CAMKK2: variants seen among roughly 807,000 people sequenced by gnomAD.
The protein encoded by CAMKK2 is calcium/calmodulin dependent protein kinase kinase 2.
CAMKK2 carries 30 observed loss-of-function variants against 67.2 expected under a neutral mutation model. The observed-to-expected ratio is 0.45, with a 90% confidence interval of 0.33 to 0.61. The LOEUF (loss-of-function observed/expected upper bound fraction) is 0.61, where lower values mean the gene tolerates loss of function less well. Among genes scored for constraint, CAMKK2 ranks in the 20% least tolerant of loss-of-function variants. CAMKK2 has a pLI of 0.02. For synonymous variants in CAMKK2, 322 were observed against 326.2 expected (o/e 0.99, Z 0.14); for missense variants, 643 against 802.0 (o/e 0.80, Z 2.39).
rs1465444503 is a variant in CAMKK2, at chr12:121,252,665, C to T, written c.1157G>A (p.Gly386Asp). ...MGVTLYCFVFGQCPFMDERIM... is the reference protein window; with the variant it reads ...MGVTLYCFVFDQCPFMDERIM... ...ACAGACACCCCGCCCTCTTACCTGGCCAAAGACAAAGCAGTATAGTGTCAC... is the reference window on the plus strand; with the variant it reads ...ACAGACACCCCGCCCTCTTACCTGGTCAAAGACAAAGCAGTATAGTGTCAC... Residue 386 changes from glycine (G) to aspartate (D), a missense_variant, in exon 11 of 17, where the codon GGC becomes GAC. Gly to Asp is a moderately conservative substitution (Grantham distance 94). Transcript: ENST00000404169. 1 of 1,614,164 alleles carries T rather than the reference C, an allele frequency of 6.2e-7. No homozygotes were observed. The highest frequency in any genetic ancestry group is 8.5e-7 in the Non-Finnish European group (1 of 1,179,992).
chr12:121,269,658 G>T, intron 3 of CAMKK2, 77 bp from the exon 4 acceptor site: 1 of 1,118,450 alleles, frequency 8.9e-7, no homozygotes, highest in Non-Finnish European at 1.3e-6. Flanking sequence ...TACAGACGTT[G>T]CAAACCGGCA....
At chr12:121,279,505 G>A (rs1897355957) in intron 1 of CAMKK2, among the ~76,000 whole-genome samples, 1 of 152,218 alleles carries the variant, frequency 6.6e-6, no homozygotes, top group African/African-American at 2.4e-5. Context: ...AACAGCAACG[G>A]CTAACATTCA....
At chr12:121,260,407 G>C in intron 6 of CAMKK2, 52 bp from the exon 7 acceptor site, 1 of 1,556,896 alleles carries the variant, frequency 6.4e-7, no homozygotes, top group Non-Finnish European at 8.8e-7. Flanking sequence ...GGGAGAAAAA[G>C]AGAGAATAGA....
intron 7 of CAMKK2, among the ~76,000 whole-genome samples, chr12:121,258,482 C>T (rs1208365921): frequency 2.0e-5 from 3 of 152,158 alleles, no homozygotes; most frequent in African/African-American, 7.2e-5. Context: ...CAGGCATGAG[C>T]CACCGCACCT....
At chr12:121,273,964 C>CG in intron 2 of CAMKK2, 92 bp downstream of exon 2, 1 of 1,043,804 alleles carries the variant, frequency 9.6e-7, no homozygotes, top group Non-Finnish European at 1.4e-6. Context: ...TCAGATCCTT[C>CG]TGGGGGAGCC....
At chr12:121,297,237 G>T (rs1428541661), upstream of CAMKK2, 1 of 187,184 alleles carries the variant, frequency 5.3e-6, no homozygotes, top group Non-Finnish European at 1.1e-5. Context: ...CCCCAAGCCG[G>T]CAAGAACACC....
At chr12:121,268,157 T>C (rs1213918906) in intron 5 of CAMKK2, among the ~76,000 whole-genome samples, 2 of 146,854 alleles carry the variant, frequency 1.4e-5, no homozygotes, top group African/African-American at 2.5e-5. Flanking sequence ...ATATACTCTA[T>C]TCATTCTCTG....
At chr12:121,274,011 G>T in intron 2 of CAMKK2, 45 bp downstream of exon 2, 1 of 1,361,724 alleles carries the variant, frequency 7.3e-7, no homozygotes, top group Non-Finnish European at 9.8e-7. Flanking sequence ...GGCAGGGAAG[G>T]GCACCAGGGA....
chr12:121,272,412 C>T (rs1895957219), intron 2 of CAMKK2, among the ~76,000 whole-genome samples: 1 of 152,134 alleles, frequency 6.6e-6, no homozygotes, highest in Non-Finnish European at 1.5e-5. Flanking sequence ...GTGAAAGAAG[C>T]TAAGCTAAAA....
intron 13 of CAMKK2, 27 bp from the exon 14 acceptor site, chr12:121,248,761 G>T: frequency 6.2e-7 from 1 of 1,613,154 alleles, no homozygotes; most frequent in Non-Finnish European, 8.5e-7. Flanking sequence ...GAGGGGTGAG[G>T]GGCAGGTGTG....
rs183147631 is a variant in CAMKK2 at position 121,260,075 on chromosome 12, C to T, written c.796+244G>A. 4.5e-3 allele frequency among the ~76,000 whole-genome samples: 692 copies of T among 152,190 alleles called. 4 individuals carry two copies. Among genetic ancestry groups the T allele is most frequent in the Middle Eastern group, 6.8e-3 (2 of 294 alleles). ...GTAAGCCTGGGCAACGGAGCAAGAC[C>T]CTGACTCAAAAAAAATAAATACATG... On this transcript the variant is annotated intron_variant, in intron 7 of 16. Coordinates refer to ENST00000404169, the MANE Select transcript of CAMKK2 (RefSeq NM_001270485.2).
chr12:121,287,186 A>G (rs766568690), intron 1 of CAMKK2, among the ~76,000 whole-genome samples: 32 of 152,290 alleles, frequency 2.1e-4, no homozygotes, highest in Admixed American at 1.5e-3. Flanking sequence ...GATTATAGGC[A>G]TGAGCCACTG....
chr12:121,276,839 T>C (rs1402607111), intron 1 of CAMKK2, among the ~76,000 whole-genome samples: 1 of 129,044 alleles, frequency 7.7e-6, no homozygotes, highest in Non-Finnish European at 1.5e-5. Flanking sequence ...TGAGCTGAGG[T>C]TGCACCACTG....
Position 121,242,963 on chromosome 12 carries a change from C to T in CAMKK2, c.1596+1610G>A, listed in dbSNP as rs1593257279. Among the ~76,000 whole-genome samples the T allele has an allele frequency of 2.0e-5, 3 of 151,696 alleles. No individual in the cohort carries two copies. In the East Asian group the frequency reaches 5.8e-4, roughly 29 times the overall value. Reference sequence around the variant, plus strand: ...TTCACTGTGTTAGCCAGGATGGTCTCGATCTCCTGACCTCGTCATTCGCCT... The same window carrying T: ...TTCACTGTGTTAGCCAGGATGGTCTTGATCTCCTGACCTCGTCATTCGCCT... On this transcript the variant is annotated intron_variant, in intron 16 of 16. Transcript: ENST00000404169.
intron 1 of CAMKK2, among the ~76,000 whole-genome samples, chr12:121,295,704 G>A (rs1361554617): frequency 6.6e-6 from 1 of 152,166 alleles, no homozygotes; most frequent in Non-Finnish European, 1.5e-5. Context: ...CCGGAGGCCA[G>A]GTATCCCTCT....
At chr12:121,287,799 T>C (rs1399216779) in intron 1 of CAMKK2, among the ~76,000 whole-genome samples, 1 of 151,916 alleles carries the variant, frequency 6.6e-6, no homozygotes, top group African/African-American at 2.4e-5. Flanking sequence ...CAAGACCCCA[T>C]CACCACACAA....
At chr12:121,258,759 C>G (rs891877395) in intron 7 of CAMKK2, among the ~76,000 whole-genome samples, 2 of 152,046 alleles carry the variant, frequency 1.3e-5, no homozygotes, top group Non-Finnish European at 2.9e-5. Context: ...TTCTTTGAGG[C>G]TTGGACCATG....
Position 121,237,992 on chromosome 12 carries a change from A to G in CAMKK2, c.*2707T>C, listed in dbSNP as rs1295923035. Reference sequence around the variant, plus strand: ...AAACTTCCCTAGCACCTTGGAAGCAAGTGGAGGTCATGGTTCTTCCACTCG... The same window carrying G: ...AAACTTCCCTAGCACCTTGGAAGCAGGTGGAGGTCATGGTTCTTCCACTCG... On this transcript the variant is annotated 3_prime_UTR_variant, in exon 17 of 17. Transcript: ENST00000404169. The surrounding 1 kb of genome is among the most constrained non-coding windows in gnomAD (Gnocchi z 4.5). 1 of 152,608 alleles carries G rather than the reference A, an allele frequency of 6.6e-6. No individual in the cohort carries two copies. Among genetic ancestry groups the G allele is most frequent in the African/African-American group, 2.4e-5 (1 of 41,460 alleles). The allele number at this position is 152,608 out of a possible 1,614,324, so 9.5% of individuals were successfully genotyped here.
intron 1 of CAMKK2, among the ~76,000 whole-genome samples, chr12:121,275,212 G>A (rs1250396687): frequency 2.6e-5 from 4 of 152,032 alleles, no homozygotes; most frequent in East Asian, 1.9e-4. Flanking sequence ...GGCTGGACAC[G>A]GTGGCTCACA....
Sources: gnomAD v4.1 joint callset for allele counts (sites outside exome capture counted in the v4.1 genomes callset) on GRCh38, gnomAD v4.1.1 for gene constraint, Gnocchi (gnomAD v3.1) non-coding constraint, MANE v1.5 for transcripts, NCBI Gene and HGNC (gene_info 2026-07-23, HGNC 2026-07-21) for gene names.